The following PKIA variants were observed in gnomAD, a reference collection of about 807,000 sequenced individuals.
PKIA encodes the protein PKI-alpha.
Under a neutral mutation model 7.6 loss-of-function variants are expected in PKIA, and 4 were observed. The ratio of observed to expected loss-of-function variants is 0.52; its 90% CI spans 0.26 to 1.20. The LOEUF is 1.20. Among genes scored for constraint, PKIA ranks in the 50% most tolerant of loss-of-function variants. The probability of loss-of-function intolerance (pLI) is 0.13; values close to 1 mark genes in which losing one functional copy is unlikely to be tolerated. For synonymous variants in PKIA, 21 were observed against 30.7 expected (o/e 0.68, Z 1.04); for missense variants, 73 against 86.2 (o/e 0.85, Z 0.61).
intron 1 of PKIA, among the ~76,000 whole-genome samples, chr8:78,522,241 T>G (rs191956844): frequency 5.3e-5 from 8 of 152,084 alleles, no homozygotes; most frequent in African/African-American, 1.9e-4. Flanking sequence ...CCATAATTTA[T>G]TTGGTCAAAA....
intron 1 of PKIA, among the ~76,000 whole-genome samples, chr8:78,527,026 C>A (rs1259970409): frequency 6.6e-6 from 1 of 151,874 alleles, no homozygotes; most frequent in Non-Finnish European, 1.5e-5. Flanking sequence ...CATTTATTTA[C>A]AGGGGAGAAT....
chr8:78,559,783 T>C (rs907620278), intron 1 of PKIA, among the ~76,000 whole-genome samples: 1 of 152,212 alleles, frequency 6.6e-6, no homozygotes, highest in African/African-American at 2.4e-5. Flanking sequence ...GATCTATTTA[T>C]ACCAAAGTAC....
In PKIA at chr8:78,602,099, T is replaced by C. The variant is rs574067573; in HGVS notation, c.*278T>C. 48 of 412,476 alleles carry C rather than the reference T, an allele frequency of 1.2e-4. No homozygotes were observed. The highest frequency in any genetic ancestry group is 9.9e-4 in the African/African-American group (48 of 48,540). 25.6% of individuals were successfully genotyped at this position (412,476 alleles called of 1,614,324 possible). A position where few individuals can be genotyped will look rare whatever the true frequency, so the allele number is the denominator to read the frequency against. The stretch of plus-strand genomic sequence containing the variant: ...ACTTGATCATATGACGAAATGCTTA[T>C]AGAGAGTAGCTCCGACCTAGATGAT... On this transcript the variant is annotated 3_prime_UTR_variant, in exon 4 of 4. Transcript: ENST00000396418.
chr8:78,565,063 T>G (rs757153524), intron 1 of PKIA, among the ~76,000 whole-genome samples: 1 of 151,930 alleles, frequency 6.6e-6, no homozygotes, highest in Non-Finnish European at 1.5e-5. Flanking sequence ...ACTCTCTGAT[T>G]ATTACGTCTT....
chr8:78,563,850 G>A lies in PKIA; in HGVS notation c.-156-8961G>A, dbSNP rs142265677. Among the ~76,000 whole-genome samples the A allele has an allele frequency of 8.0e-3, 1,211 of 152,236 alleles. 4 individuals are homozygous for A. Among genetic ancestry groups the A allele is most frequent in the South Asian group, 0.016 (78 of 4,820 alleles). ...ATACTTTTTACTATTTTAAATAGGAGTTAGTGGTCTAGAATATGTTTGAAT... is the reference window on the plus strand; with the variant it reads ...ATACTTTTTACTATTTTAAATAGGAATTAGTGGTCTAGAATATGTTTGAAT... On this transcript the variant is annotated intron_variant, in intron 1 of 3. Coordinates refer to ENST00000396418, the MANE Select transcript of PKIA (RefSeq NM_006823.4).
At chr8:78,563,142 C>T (rs1239204469) in intron 1 of PKIA, among the ~76,000 whole-genome samples, 1 of 152,064 alleles carries the variant, frequency 6.6e-6, no homozygotes, top group African/African-American at 2.4e-5. Flanking sequence ...TATTTAACTT[C>T]CTTACTCTAA....
chr8:78,521,159 C>T (rs532447997), intron 1 of PKIA, among the ~76,000 whole-genome samples: 64 of 152,196 alleles, frequency 4.2e-4, no homozygotes, highest in Non-Finnish European at 8.5e-4. Flanking sequence ...TATTGTACTA[C>T]CACATATGTG....
intron 1 of PKIA, among the ~76,000 whole-genome samples, chr8:78,571,689 C>T (rs1362059888): frequency 2.6e-5 from 4 of 152,088 alleles, no homozygotes; most frequent in Non-Finnish European, 5.9e-5. Context: ...TCAATTCCAG[C>T]TCTACTCCTG....
chr8:78,593,281 C>A (rs1450859682), intron 2 of PKIA, among the ~76,000 whole-genome samples: 1 of 152,098 alleles, frequency 6.6e-6, no homozygotes, highest in Non-Finnish European at 1.5e-5. Context: ...CACCACTACG[C>A]CCAGCTAATT....
rs1563596955 is a variant in PKIA at position 78,601,847 on chromosome 8, C to T, written c.*26C>T. 6.5e-7 allele frequency: 1 copy of T among 1,536,744 alleles called. No homozygotes were observed. The highest frequency in any genetic ancestry group is 9.0e-7 in the Non-Finnish European group (1 of 1,111,938). On this transcript the variant is annotated 3_prime_UTR_variant, in exon 4 of 4. Coordinates refer to ENST00000396418, the MANE Select transcript of PKIA (RefSeq NM_006823.4). ...CACCCCACTTTGACCCTCGACCACA[C>T]CTGAAAATGTCTCAAATCTCCAGGA...
At chr8:78,572,660 T>C (rs1807581132) in intron 1 of PKIA, among the ~76,000 whole-genome samples, 151 bp from the exon 2 acceptor site, 1 of 151,936 alleles carries the variant, frequency 6.6e-6, no homozygotes, top group African/African-American at 2.4e-5. Flanking sequence ...ATCACGTGTT[T>C]GTGTTGTGAG....
intron 1 of PKIA, among the ~76,000 whole-genome samples, chr8:78,555,323 CT>C (rs1287423637): frequency 6.6e-6 from 1 of 151,444 alleles, no homozygotes; most frequent in African/African-American, 2.4e-5. Flanking sequence ...TCAAAACTTG[CT>C]TTTGGATCAT....
At chr8:78,525,516 G>A (rs1341816264) in intron 1 of PKIA, among the ~76,000 whole-genome samples, 1 of 151,952 alleles carries the variant, frequency 6.6e-6, no homozygotes, top group Non-Finnish European at 1.5e-5. Flanking sequence ...TTGGCATCTT[G>A]CTCATCTATT....
chr8:78,543,226 G>C (rs1385865772), intron 1 of PKIA, among the ~76,000 whole-genome samples: 1 of 152,186 alleles, frequency 6.6e-6, no homozygotes, highest in Non-Finnish European at 1.5e-5. Flanking sequence ...GGATCAAATT[G>C]TTCAGATTCC....
rs945460891 is a variant in PKIA, at chr8:78,605,258, C to T, written c.*3437C>T. ...TGAAAATTAAAAGTAACACATTTTTCTGAAATGTACACAGTCTATTAAGAG... is the reference window on the plus strand; with the variant it reads ...TGAAAATTAAAAGTAACACATTTTTTTGAAATGTACACAGTCTATTAAGAG... On this transcript the variant is annotated 3_prime_UTR_variant, in exon 4 of 4. Coordinates refer to ENST00000396418, the MANE Select transcript of PKIA (RefSeq NM_006823.4). The T allele has an allele frequency of 6.6e-6, 1 of 151,906 alleles. No individual in the cohort carries two copies. Among genetic ancestry groups the T allele is most frequent in the African/African-American group, 2.4e-5 (1 of 41,388 alleles). 9.4% of individuals were successfully genotyped at this position (151,906 alleles called of 1,614,324 possible). A position where few individuals can be genotyped will look rare whatever the true frequency, so the allele number is the denominator to read the frequency against.
At chr8:78,579,556 A>G (rs542702834) in intron 2 of PKIA, among the ~76,000 whole-genome samples, 1 of 152,186 alleles carries the variant, frequency 6.6e-6, no homozygotes, top group Admixed American at 6.6e-5. Context: ...ATCTCAGAAG[A>G]TAGTTGCATT....
At chr8:78,581,473 T>G (rs1256456202) in intron 2 of PKIA, among the ~76,000 whole-genome samples, 1 of 152,088 alleles carries the variant, frequency 6.6e-6, no homozygotes, top group Non-Finnish European at 1.5e-5. Flanking sequence ...GTGGCACCTT[T>G]TAATCAAATG....
rs991144933 is a variant in PKIA at position 78,600,290 on chromosome 8, ATTT to A, written c.152-1446_152-1444del. Among the ~76,000 whole-genome samples, 6 of 149,550 alleles carry A rather than the reference ATTT, an allele frequency of 4.0e-5. No individual in the cohort carries two copies. The Admixed American group carries it at 4.4e-4, about 11-fold the overall frequency. ...TCAACGTCACTAAGAATTGTGAGGAATTTTTTTTGTAATTCGTAAATGTTTCAG... is the reference window on the plus strand; with the variant it reads ...TCAACGTCACTAAGAATTGTGAGGAATTTTTGTAATTCGTAAATGTTTCAG... On this transcript the variant is annotated intron_variant, in intron 3 of 3. Transcript: ENST00000396418.
intron 3 of PKIA, among the ~76,000 whole-genome samples, chr8:78,599,493 A>G (rs985864127): frequency 6.6e-6 from 1 of 152,090 alleles, no homozygotes. Context: ...ACATTACTTT[A>G]AAATATATAA....
Sources: gnomAD v4.1 joint callset for allele counts (sites outside exome capture counted in the v4.1 genomes callset) on GRCh38, gnomAD v4.1.1 for gene constraint, MANE v1.5 for transcripts, NCBI Gene and HGNC (gene_info 2026-07-23, HGNC 2026-07-21) for gene names.